The following SCAI variants were observed in gnomAD, a reference collection of about 807,000 sequenced individuals.
SCAI encodes protein SCAI.
Under a neutral mutation model 92.2 loss-of-function variants are expected in SCAI, and 24 were observed. The ratio of observed to expected loss-of-function variants is 0.26; its 90% CI spans 0.19 to 0.37. SCAI has a LOEUF of 0.37. SCAI is among the 10% of genes least tolerant of loss of function. The pLI, the probability that SCAI is intolerant of heterozygous loss-of-function variation, is 1.00. For missense variants in SCAI, 450 were observed against 736.2 expected (o/e 0.61, Z 4.50); for synonymous variants, 261 against 258.6 (o/e 1.01, Z -0.09).
chr9:125,056,388 C>T (rs1038953772), intron 2 of SCAI, among the ~76,000 whole-genome samples: 5 of 152,054 alleles, frequency 3.3e-5, no homozygotes, highest in Admixed American at 2.0e-4. Flanking sequence ...ATTGCTTGAC[C>T]CAGGGAGGCG....
intron 3 of SCAI, among the ~76,000 whole-genome samples, chr9:125,036,805 A>T (rs1465617752): frequency 6.6e-6 from 1 of 152,220 alleles, no homozygotes; most frequent in Non-Finnish European, 1.5e-5. Flanking sequence ...TGTTTTGAAA[A>T]AGAAGTTTTA....
chr9:125,016,542 C>T (rs1207239988), intron 9 of SCAI, among the ~76,000 whole-genome samples: 2 of 151,850 alleles, frequency 1.3e-5, no homozygotes, highest in African/African-American at 4.8e-5. Context: ...TATATCGAGG[C>T]CTATTAAAAT....
intron 2 of SCAI, among the ~76,000 whole-genome samples, chr9:125,067,770 G>C (rs1469434726): frequency 6.6e-6 from 1 of 152,154 alleles, no homozygotes; most frequent in Non-Finnish European, 1.5e-5. Flanking sequence ...CTAATACATA[G>C]ATACATAATA....
chr9:124,984,620 C>T (rs940110862), intron 14 of SCAI, among the ~76,000 whole-genome samples: 1 of 152,106 alleles, frequency 6.6e-6, no homozygotes, highest in Non-Finnish European at 1.5e-5. Context: ...GCCGGGGCAA[C>T]TATAATAGCA....
chr9:124,977,616 A>C (rs1268092184), intron 14 of SCAI, among the ~76,000 whole-genome samples: 1 of 152,152 alleles, frequency 6.6e-6, no homozygotes, highest in Admixed American at 6.6e-5. Flanking sequence ...CAAGGCTACA[A>C]TGAGCTCTGA....
chr9:125,089,732 T>C (rs1379960018), intron 2 of SCAI, among the ~76,000 whole-genome samples: 1 of 151,958 alleles, frequency 6.6e-6, no homozygotes, highest in Non-Finnish European at 1.5e-5. Context: ...AAAGACAGGG[T>C]CTCACTCTGT....
intron 14 of SCAI, among the ~76,000 whole-genome samples, chr9:124,986,721 T>C (rs972223558): frequency 6.6e-6 from 1 of 152,142 alleles, no homozygotes; most frequent in Admixed American, 6.6e-5. Context: ...TATATCACCA[T>C]ATAACTGCAG....
intron 3 of SCAI, among the ~76,000 whole-genome samples, chr9:125,045,263 GC>G (rs1354378196): frequency 6.6e-6 from 1 of 152,102 alleles, no homozygotes; most frequent in African/African-American, 2.4e-5. Context: ...ATGGGGTTTC[GC>G]CATGTTGGCC....
intron 2 of SCAI, among the ~76,000 whole-genome samples, chr9:125,087,954 A>G (rs1213444284): frequency 6.6e-6 from 1 of 152,254 alleles, no homozygotes; most frequent in Non-Finnish European, 1.5e-5. Context: ...CGTAAAGTAT[A>G]TAACTGGCCA....
rs371482525 is a variant in SCAI, at chr9:125,046,196, G to GAGATATATATATAT, written c.230+9679_230+9680insATATATATATATCT. On this transcript the variant is annotated intron_variant, in intron 3 of 17. Coordinates refer to ENST00000336505, the MANE Select transcript of SCAI (RefSeq NM_001144877.3). ...CAACAAGTGAATAAAGAAATTGTGA[G>GAGATATATATATAT]ATATATATATATATATATATATATA... Among the ~76,000 whole-genome samples the GAGATATATATATAT allele has an allele frequency of 2.5e-4, 13 of 51,878 alleles. 1 individual carries two copies. Among genetic ancestry groups the GAGATATATATATAT allele is most frequent in the South Asian group, 9.7e-4 (1 of 1,026 alleles). 34.0% of individuals were successfully genotyped at this position (51,878 alleles called of 152,430 possible). A position where few individuals can be genotyped will look rare whatever the true frequency, so the allele number is the denominator to read the frequency against.
chr9:125,065,033 C>T (rs1339025922), intron 2 of SCAI, among the ~76,000 whole-genome samples: 1 of 151,926 alleles, frequency 6.6e-6, no homozygotes, highest in African/African-American at 2.4e-5. Context: ...TAAACACATA[C>T]ATTTAAAAAG....
intron 2 of SCAI, among the ~76,000 whole-genome samples, chr9:125,114,082 A>G (rs190985518): frequency 3.2e-4 from 49 of 152,330 alleles, no homozygotes; most frequent in Non-Finnish European, 1.5e-5. Flanking sequence ...ATCACATCAA[A>G]TTCACAAGGA....
At chr9:125,059,895 C>G (rs1421584119) in intron 2 of SCAI, among the ~76,000 whole-genome samples, 1 of 152,184 alleles carries the variant, frequency 6.6e-6, no homozygotes, top group African/African-American at 2.4e-5. Flanking sequence ...TATACAGCAT[C>G]ATGATTTACA....
rs1215106279 is a variant in SCAI, at chr9:125,042,772, C to T, written c.231-13033G>A. 3.8e-4 allele frequency among the ~76,000 whole-genome samples: 57 copies of T among 148,868 alleles called. 1 individual carries two copies. The highest frequency in any genetic ancestry group is 3.8e-3 in the Admixed American group (56 of 14,790). On this transcript the variant is annotated intron_variant, in intron 3 of 17. Transcript: ENST00000336505. ...ACCTTCTACCTCCTAATCCAATGCT[C>T]TTTTCCACCATATGGAATAACCACC...
chr9:125,056,594 A>T (rs1683415022), intron 2 of SCAI, among the ~76,000 whole-genome samples: 5 of 152,210 alleles, frequency 3.3e-5, no homozygotes. Flanking sequence ...AATGCCTGTT[A>T]TGTTCTAGGC....
chr9:125,132,099 ATTTTC>A (rs1454015957), intron 2 of SCAI, among the ~76,000 whole-genome samples: 2 of 146,292 alleles, frequency 1.4e-5, no homozygotes, highest in African/African-American at 5.0e-5. Flanking sequence ...TATCCCATTC[ATTTTC>A]TTTTCTTTTT....
rs1022650989 is a variant in SCAI at position 124,943,138 on chromosome 9, T to G, written c.*9669A>C. On this transcript the variant is annotated 3_prime_UTR_variant, in exon 18 of 18. Coordinates refer to ENST00000336505, the MANE Select transcript of SCAI (RefSeq NM_001144877.3). ...CATCCTGTTTAAGAGAACGTATGGC[T>G]TAAGCAATTTAGAACACAACTGACA... 1 of 152,232 alleles carries G rather than the reference T, an allele frequency of 6.6e-6. No homozygotes were observed. Among genetic ancestry groups the G allele is most frequent in the Admixed American group, 6.5e-5 (1 of 15,290 alleles). The allele number at this position is 152,232 out of a possible 1,614,324, so 9.4% of individuals were successfully genotyped here.
intron 2 of SCAI, among the ~76,000 whole-genome samples, chr9:125,117,998 C>T (rs1357929065): frequency 6.6e-6 from 1 of 151,972 alleles, no homozygotes; most frequent in East Asian, 1.9e-4. Flanking sequence ...ATATATAAAC[C>T]TTATCCCCTA....
At chr9:125,121,393 G>T (rs1835152980) in intron 2 of SCAI, among the ~76,000 whole-genome samples, 1 of 151,376 alleles carries the variant, frequency 6.6e-6, no homozygotes, top group South Asian at 2.1e-4. Flanking sequence ...AGCTCTGGGG[G>T]TGTCACCAGC....
Sources: allele counts gnomAD v4.1 joint callset (sites outside exome capture counted in the v4.1 genomes callset), GRCh38; gene constraint gnomAD v4.1.1; transcripts MANE v1.5; gene names NCBI Gene and HGNC (gene_info 2026-07-23, HGNC 2026-07-21).